The following LARS1 variants were observed in gnomAD, a reference collection of about 807,000 sequenced individuals.
The protein encoded by LARS1 is leucine--tRNA ligase, cytoplasmic.
A neutral mutation model predicts 162.8 loss-of-function variants in LARS1; 100 were observed. That is an observed-to-expected ratio of 0.61 (90% CI 0.52 to 0.73). The LOEUF (loss-of-function observed/expected upper bound fraction) is 0.73. LARS1 is among the 30% of genes least tolerant of loss of function. The pLI, the probability that LARS1 is intolerant of heterozygous loss-of-function variation, is 0.00. For synonymous variants in LARS1, 457 were observed against 462.8 expected (o/e 0.99, Z 0.16); for missense variants, 1,258 against 1,408.9 (o/e 0.89, Z 1.71).
At chr5:146,120,244 C>T (rs1751755776) in intron 31 of LARS1, 127 bp downstream of exon 31, 1 of 1,002,792 alleles carries the variant, frequency 1.0e-6, no homozygotes, top group South Asian at 1.4e-5. Flanking sequence ...ATTCTGATCC[C>T]AGTACTTTTT....
At position 146,114,174 on chromosome 5, in the gene LARS1, T is replaced by C. The variant is rs117895496; in HGVS notation, c.3463A>G (p.Lys1155Glu). The change falls in exon 32 of 32, where the codon AAA becomes GAA. Residue 1155 changes from lysine (K) to glutamate (E), a missense_variant. Transcript: ENST00000394434. ...ATCCCATTCTCAGTCAGATGAATTTTCTTGCTCATGAGGTCCACATTGAAA... is the reference window on the plus strand; with the variant it reads ...ATCCCATTCTCAGTCAGATGAATTTCCTTGCTCATGAGGTCCACATTGAAA... The part of the protein sequence containing the change: ...AVFNVDLMSK[K>E]IHLTENGIRV... The C allele has an allele frequency of 4.4e-4, 710 of 1,613,962 alleles. 7 individuals are homozygous for C. In the East Asian group the frequency reaches 9.4e-3, roughly 21 times the overall value.
At chr5:146,171,718 C>T (rs1477486597) in intron 4 of LARS1, among the ~76,000 whole-genome samples, 192 bp downstream of exon 4, 1 of 152,128 alleles carries the variant, frequency 6.6e-6, no homozygotes, top group Non-Finnish European at 1.5e-5. Flanking sequence ...TCACTTAGAC[C>T]ATAATGGATG....
chr5:146,134,954 A>G (rs1752443109), intron 22 of LARS1, among the ~76,000 whole-genome samples: 1 of 152,192 alleles, frequency 6.6e-6, no homozygotes, highest in Non-Finnish European at 1.5e-5. Context: ...GTCTCAGTTA[A>G]TAAGAATGGA....
chr5:146,146,107 G>C (rs1435273298), intron 15 of LARS1, among the ~76,000 whole-genome samples: 1 of 152,184 alleles, frequency 6.6e-6, no homozygotes, highest in African/African-American at 2.4e-5. Flanking sequence ...GCTCACGCCT[G>C]TAAACCCAAC....
rs1752913779 is a variant in LARS1 at position 146,144,255 on chromosome 5, A to C, written c.1738+12T>G. On this transcript the variant is annotated intron_variant, in intron 18 of 31. Coordinates refer to ENST00000394434, the MANE Select transcript of LARS1 (RefSeq NM_020117.11). ...AAAGTTATCCAAACAGAAAAATTTCAAGTTTGTTTACCTAGACCATAAGTT... is the reference window on the plus strand; with the variant it reads ...AAAGTTATCCAAACAGAAAAATTTCCAGTTTGTTTACCTAGACCATAAGTT... 1 of 1,587,422 alleles carries C rather than the reference A, an allele frequency of 6.3e-7. No homozygotes were observed. The highest frequency in any genetic ancestry group is 8.5e-7 in the Non-Finnish European group (1 of 1,170,244).
chr5:146,150,281 T>C (rs966576047), intron 14 of LARS1, among the ~76,000 whole-genome samples: 1 of 152,214 alleles, frequency 6.6e-6, no homozygotes, highest in African/African-American at 2.4e-5. Flanking sequence ...AAGCAGATAT[T>C]TTCACCTACA....
intron 18 of LARS1, among the ~76,000 whole-genome samples, 196 bp downstream of exon 18, chr5:146,144,071 T>G (rs977795327): frequency 2.0e-5 from 3 of 152,092 alleles, no homozygotes; most frequent in African/African-American, 7.2e-5. Context: ...CCACAAAATC[T>G]ATATAGAGAG....
At chr5:146,124,595 A>AC (rs1207384269) in intron 28 of LARS1, among the ~76,000 whole-genome samples, 1 of 151,966 alleles carries the variant, frequency 6.6e-6, no homozygotes, top group Non-Finnish European at 1.5e-5. Flanking sequence ...AACTCATACT[A>AC]CATGAGTACT....
Position 146,138,808 on chromosome 5 carries a change from C to A in LARS1, c.2148+1396G>T, listed in dbSNP as rs186154848. On this transcript the variant is annotated intron_variant, in intron 21 of 31. Coordinates refer to ENST00000394434, the MANE Select transcript of LARS1 (RefSeq NM_020117.11). ...AAGATGAAACAGAATTCTATTTGGG[C>A]AAGAGATGTGCTATGTATACAAAGC... The A allele has an allele frequency of 5.4e-3, 1,091 of 200,384 alleles. 2 individuals carry two copies. Among genetic ancestry groups the A allele is most frequent in the Non-Finnish European group, 9.6e-3 (860 of 89,166 alleles). 12.4% of individuals were successfully genotyped at this position (200,384 alleles called of 1,614,324 possible). A position where few individuals can be genotyped will look rare whatever the true frequency, so the allele number is the denominator to read the frequency against.
rs1327015370 is a variant in LARS1 at position 146,131,088 on chromosome 5, T to C, written c.2418A>G (p.Ile806Met). The C allele has an allele frequency of 1.3e-6, 2 of 1,582,830 alleles. No individual in the cohort carries two copies. Among genetic ancestry groups the C allele is most frequent in the Non-Finnish European group, 1.7e-6 (2 of 1,158,860 alleles). The change falls in exon 24 of 32, where the codon ATA (isoleucine) becomes ATG (methionine). Residue 806 changes from isoleucine to methionine, a missense_variant. Coordinates refer to ENST00000394434, the MANE Select transcript of LARS1 (RefSeq NM_020117.11). ...TCTTTTCATAGTTTTGATCTGTTTT[T>C]ATAATTCCTGCATTCAATTCACTAT... is the stretch of plus-strand genomic sequence containing the variant. The part of the protein sequence containing the change: ...VFASELNAGI[I>M]KTDQNYEKMM...
rs528053176 is a variant in LARS1, at chr5:146,157,453, A to G, written c.1015T>C (p.Phe339Leu). Reference sequence around the variant, plus strand: ...GGCACCACGCCATTGTCTTTGGTAAAGCCCTGGTATGACATATTCCTGGCT... The same window carrying G: ...GGCACCACGCCATTGTCTTTGGTAAGGCCCTGGTATGACATATTCCTGGCT... Reference protein sequence around the residue: ...KAARNMSYQGFTKDNGVVPVV... With the variant: ...KAARNMSYQGLTKDNGVVPVV... Residue 339 changes from phenylalanine (F) to leucine (L), a missense_variant, in exon 10 of 32, where the codon TTT becomes CTT. Physicochemically the swap from Phe to Leu is conservative, Grantham distance 22. Coordinates refer to ENST00000394434, the MANE Select transcript of LARS1 (RefSeq NM_020117.11). The G allele has an allele frequency of 3.7e-5, 60 of 1,614,182 alleles. 2 individuals are homozygous for G. Among genetic ancestry groups the G allele is most frequent in the South Asian group, 3.2e-4 (29 of 91,078 alleles).
chr5:146,141,373 A>C (rs1036208807), intron 20 of LARS1, among the ~76,000 whole-genome samples: 1 of 152,222 alleles, frequency 6.6e-6, no homozygotes, highest in Non-Finnish European at 1.5e-5. Flanking sequence ...TAAGCTCTTG[A>C]TGTCAATACT....
At position 146,132,934 on chromosome 5, in the gene LARS1, C is replaced by T; in HGVS notation, c.2360G>A (p.Gly787Asp). The change falls in exon 23 of 32, where the codon GGT becomes GAT. Residue 787 changes from glycine to aspartate, a missense_variant. Coordinates refer to ENST00000394434, the MANE Select transcript of LARS1 (RefSeq NM_020117.11). ...TCTATCATTGAAAGTGCTGGCAGGACCACTTCTTAGGCTGTCCCAGTTGGC... is the reference window on the plus strand; with the variant it reads ...TCTATCATTGAAAGTGCTGGCAGGATCACTTCTTAGGCTGTCCCAGTTGGC... Reference protein sequence around the residue: ...MVANWDSLRSGPASTFNDRVF... With the variant: ...MVANWDSLRSDPASTFNDRVF... The T allele has an allele frequency of 6.2e-7, 1 of 1,613,958 alleles. No homozygotes were observed. The highest frequency in any genetic ancestry group is 8.5e-7 in the Non-Finnish European group (1 of 1,179,928).
intron 15 of LARS1, among the ~76,000 whole-genome samples, chr5:146,145,177 T>C (rs1424842956): frequency 1.3e-5 from 2 of 152,072 alleles, no homozygotes; most frequent in Non-Finnish European, 2.9e-5. Flanking sequence ...TCCTGGCTCA[T>C]GTGACCCTTC....
rs1196041334 is a variant in LARS1 at position 146,113,521 on chromosome 5, G to C, written c.*585C>G. Reference sequence around the variant, plus strand: ...TATTAGCCTTGAAGAAGCCATTATTGGTTCTTAGTTGAATAATTAAAGCTT... The same window carrying C: ...TATTAGCCTTGAAGAAGCCATTATTCGTTCTTAGTTGAATAATTAAAGCTT... On this transcript the variant is annotated 3_prime_UTR_variant, in exon 32 of 32. Transcript: ENST00000394434. The C allele has an allele frequency of 1.3e-5, 2 of 152,164 alleles. No homozygotes were observed. The highest frequency in any genetic ancestry group is 4.8e-5 in the African/African-American group (2 of 41,396). 9.4% of individuals were successfully genotyped at this position (152,164 alleles called of 1,614,324 possible).
chr5:146,139,297 C>T (rs1397030393), intron 21 of LARS1, among the ~76,000 whole-genome samples: 7 of 148,330 alleles, frequency 4.7e-5, no homozygotes, highest in African/African-American at 1.3e-4. Context: ...GAGCCAAGAT[C>T]GTGTCACTGC....
In LARS1 at chr5:146,177,599, C is replaced by A. The variant is rs750195682; in HGVS notation, c.73G>T (p.Asp25Tyr). 15 of 1,605,878 alleles carry A rather than the reference C, an allele frequency of 9.3e-6. No homozygotes were observed. Among genetic ancestry groups the A allele is most frequent in the Admixed American group, 1.7e-5 (1 of 59,572 alleles). ...TTGACCTCAAACACTCTCTCAGTAT[C>A]CCATTTCTGTTGGATTTCTTTCTCA... The part of the protein sequence containing the change: ...KIEKEIQQKW[D>Y]TERVFEVNAS... Residue 25 changes from aspartate (D) to tyrosine (Y), a missense_variant, in exon 2 of 32, where the codon GAT becomes TAT. Transcript: ENST00000394434.
At chr5:146,169,098 C>T (rs554970344) in intron 4 of LARS1, among the ~76,000 whole-genome samples, 2 of 151,396 alleles carry the variant, frequency 1.3e-5, no homozygotes, top group Non-Finnish European at 2.9e-5. Context: ...AATAAAATCC[C>T]ACCAGCAAGA....
rs1181887058 is a variant in LARS1 at position 146,177,721 on chromosome 5, A to C, written c.7-56T>G. The C allele has an allele frequency of 5.6e-6, 5 of 889,542 alleles. No homozygotes were observed. In the African/African-American group the frequency reaches 8.5e-5, roughly 15 times the overall value. The allele number at this position is 889,542 out of a possible 1,614,324, so 55.1% of individuals were successfully genotyped here. On this transcript the variant is annotated intron_variant, in intron 1 of 31. Coordinates refer to ENST00000394434, the MANE Select transcript of LARS1 (RefSeq NM_020117.11). ...GTATTTCAGCACGCTTGCTTTAAAA[A>C]AGAATTGGGTTCACAGAACTGAGCT... is the stretch of plus-strand genomic sequence containing the variant.
Sources: gnomAD v4.1 joint callset for allele counts (sites outside exome capture counted in the v4.1 genomes callset) on GRCh38, gnomAD v4.1.1 for gene constraint, MANE v1.5 for transcripts, NCBI Gene and HGNC (gene_info 2026-07-23, HGNC 2026-07-21) for gene names.